The following TUSC3 variants were observed in gnomAD, a reference collection of about 807,000 sequenced individuals.
TUSC3 encodes the protein dolichyl-diphosphooligosaccharide--protein glycosyltransferase subunit TUSC3.
Under a neutral mutation model 44.8 loss-of-function variants are expected in TUSC3, and 45 were observed. That is an observed-to-expected ratio of 1.00 (90% CI 0.79 to 1.29). The LOEUF is 1.29. Ranked by LOEUF, TUSC3 falls within the 50% of genes most tolerant of loss-of-function variation. TUSC3 has a pLI of 0.00. For missense variants in TUSC3, 519 were observed against 437.9 expected (o/e 1.19, Z -1.65); for synonymous variants, 212 against 152.9 (o/e 1.39, Z -2.85).
intron 6 of TUSC3, among the ~76,000 whole-genome samples, chr8:15,701,389 A>G (rs1282151958): frequency 6.6e-6 from 1 of 152,120 alleles, no homozygotes; most frequent in East Asian, 1.9e-4. Flanking sequence ...ATATTTTTGA[A>G]ATTGAAGATG....
intron 1 of TUSC3, among the ~76,000 whole-genome samples, chr8:15,436,160 C>G (rs893432310): frequency 6.6e-6 from 1 of 152,162 alleles, no homozygotes; most frequent in Admixed American, 6.5e-5. Context: ...ATGCTGGCTT[C>G]CCTCAAAGAG....
chr8:15,700,314 A>G (rs537902660), intron 6 of TUSC3, among the ~76,000 whole-genome samples: 1 of 151,714 alleles, frequency 6.6e-6, no homozygotes, highest in South Asian at 2.1e-4. Context: ...GTGTAACAGT[A>G]TTCTGGGCTG....
chr8:15,605,975 G>A (rs1446992154), intron 1 of TUSC3, among the ~76,000 whole-genome samples: 1 of 151,940 alleles, frequency 6.6e-6, no homozygotes, highest in Non-Finnish European at 1.5e-5. Context: ...TCTCTCCAGT[G>A]AGTTGCATAT....
At position 15,540,411 on chromosome 8, in the gene TUSC3, G is replaced by A. The variant is rs1418642689; in HGVS notation, c.-20G>A. Reference sequence around the variant, plus strand: ...GGCGCGCACGGCTACCGCGCGTGGAGGAGACACTGCCCTGCCGCGATGGGG... The same window carrying A: ...GGCGCGCACGGCTACCGCGCGTGGAAGAGACACTGCCCTGCCGCGATGGGG... On this transcript the variant is annotated 5_prime_UTR_variant, in exon 1 of 11. Coordinates refer to ENST00000503731, the MANE Select transcript of TUSC3 (RefSeq NM_006765.4). The A allele has an allele frequency of 1.3e-6, 2 of 1,559,640 alleles. No homozygotes were observed. The highest frequency in any genetic ancestry group is 2.3e-5 in the South Asian group (2 of 85,700).
chr8:15,745,829 G>A (rs150025989), intron 8 of TUSC3, among the ~76,000 whole-genome samples: 34 of 151,978 alleles, frequency 2.2e-4, no homozygotes, highest in African/African-American at 7.7e-4. Flanking sequence ...ATTGCCTTTG[G>A]AGACTTAGTA....
At chr8:15,444,688 G>T (rs897005768) in intron 1 of TUSC3, among the ~76,000 whole-genome samples, 23 of 152,114 alleles carry the variant, frequency 1.5e-4, no homozygotes, top group African/African-American at 5.6e-4. Flanking sequence ...CTAGAATTTG[G>T]TCAAGGAGAG....
At chr8:15,767,155 A>G (rs1053487101), downstream of TUSC3, among the ~76,000 whole-genome samples, 5 of 152,114 alleles carry the variant, frequency 3.3e-5, no homozygotes, top group Non-Finnish European at 7.4e-5. Flanking sequence ...ATTAGCTCCT[A>G]AATTCCCTGA....
At chr8:15,803,884 C>A in the TUSC3 span, among the ~76,000 whole-genome samples, 21 of 152,212 alleles carry the variant, frequency 1.4e-4, no homozygotes, top group African/African-American at 5.1e-4. Flanking sequence ...TGAACTCATT[C>A]TTTTTTATGT....
At chr8:15,739,047 G>C (rs904843661) in intron 7 of TUSC3, among the ~76,000 whole-genome samples, 1 of 151,576 alleles carries the variant, frequency 6.6e-6, no homozygotes, top group African/African-American at 2.4e-5. Context: ...TGGCCAGGCT[G>C]GTCTTGAACT....
intron 2 of TUSC3, among the ~76,000 whole-genome samples, chr8:15,510,809 A>G (rs1211837127): frequency 3.9e-5 from 6 of 152,276 alleles, no homozygotes; most frequent in East Asian, 1.9e-4. Flanking sequence ...CCTCATGACT[A>G]TGGACACAAA....
At chr8:15,503,152 T>C (rs1315630134) in intron 2 of TUSC3, among the ~76,000 whole-genome samples, 3 of 152,138 alleles carry the variant, frequency 2.0e-5, no homozygotes, top group African/African-American at 7.2e-5. Context: ...GAGGTAATTA[T>C]ATTAAAATGA....
intron 1 of TUSC3, among the ~76,000 whole-genome samples, chr8:15,543,304 A>G (rs1801751504): frequency 6.6e-6 from 1 of 152,292 alleles, no homozygotes; most frequent in East Asian, 1.9e-4. Flanking sequence ...TCTTCCTTCT[A>G]GAGGGGAAGC....
At chr8:15,786,046 T>G in the TUSC3 span, among the ~76,000 whole-genome samples, 1 of 152,224 alleles carries the variant, frequency 6.6e-6, no homozygotes, top group Non-Finnish European at 1.5e-5. Flanking sequence ...AAATTATGTA[T>G]TGTTTGTATA....
chr8:15,844,007 C>T, the TUSC3 span, among the ~76,000 whole-genome samples: 1 of 152,066 alleles, frequency 6.6e-6, no homozygotes, highest in Admixed American at 6.6e-5. Flanking sequence ...TTTCAGAATT[C>T]CCTTCTCAAA....
Position 15,634,466 on chromosome 8 carries a change from A to G in TUSC3, c.308+11217A>G, listed in dbSNP as rs80145152. On this transcript the variant is annotated intron_variant, in intron 2 of 10. Coordinates refer to ENST00000503731, the MANE Select transcript of TUSC3 (RefSeq NM_006765.4). The stretch of plus-strand genomic sequence containing the variant: ...GGCCACAGGAGTGGGGCTGAGAGAA[A>G]CATGAGAGAAAGGGCAATTGATATT... 5.4e-3 allele frequency among the ~76,000 whole-genome samples: 819 copies of G among 152,330 alleles called. 8 individuals are homozygous for G. The highest frequency in any genetic ancestry group is 9.5e-3 in the Non-Finnish European group (649 of 68,024).
chr8:15,788,943 T>C, the TUSC3 span, among the ~76,000 whole-genome samples: 1 of 152,142 alleles, frequency 6.6e-6, no homozygotes, highest in East Asian at 1.9e-4. Context: ...GTTAGATTAT[T>C]AGGAAAATTA....
intron 6 of TUSC3, among the ~76,000 whole-genome samples, chr8:15,719,533 C>G (rs960890940): frequency 1.6e-4 from 23 of 147,898 alleles, no homozygotes; most frequent in African/African-American, 5.4e-4. Flanking sequence ...CACACACACA[C>G]ACACACACAC....
intron 1 of TUSC3, among the ~76,000 whole-genome samples, chr8:15,553,271 T>C (rs1419999405): frequency 6.6e-6 from 1 of 151,676 alleles, no homozygotes; most frequent in East Asian, 2.0e-4. Flanking sequence ...TGGTGGTGGA[T>C]AAAAATCACC....
intron 1 of TUSC3, among the ~76,000 whole-genome samples, chr8:15,421,642 C>T (rs7839293): frequency 0.25 from 37,773 of 151,870 alleles, 6,046 homozygotes; most frequent in African/African-American, 0.45. Context: ...GGAATTTTTG[C>T]GTTTTGTCCA....
Sources: gnomAD v4.1 joint callset for allele counts (sites outside exome capture counted in the v4.1 genomes callset) on GRCh38, gnomAD v4.1.1 for gene constraint, MANE v1.5 for transcripts, NCBI Gene and HGNC (gene_info 2026-07-23, HGNC 2026-07-21) for gene names.